Variants in RORA observed in about 807,000 individuals in gnomAD.
RORA encodes RAR related orphan receptor A, also known as nuclear receptor ROR-alpha.
A neutral mutation model predicts 69.5 loss-of-function variants in RORA; 7 were observed. The observed-to-expected ratio is 0.10, with a 90% CI of 0.06 to 0.19. RORA has a LOEUF of 0.19. Ranked by LOEUF, RORA falls within the 10% of genes least tolerant of loss-of-function variation. RORA has a pLI of 1.00. For missense variants in RORA, 457 were observed against 663.0 expected (o/e 0.69, Z 3.41); for synonymous variants, 261 against 240.8 (o/e 1.08, Z -0.78).
intron 8 of RORA, among the ~76,000 whole-genome samples, chr15:60,501,519 A>G (rs1359042487): frequency 1.3e-5 from 2 of 152,220 alleles, no homozygotes; most frequent in African/African-American, 2.4e-5. Flanking sequence ...AAGGTCACAC[A>G]GGTAGAAAGT....
At chr15:60,839,269 G>T (rs1312117754) in intron 1 of RORA, among the ~76,000 whole-genome samples, 3 of 152,008 alleles carry the variant, frequency 2.0e-5, no homozygotes, top group African/African-American at 7.3e-5. Context: ...TACCCTTAAT[G>T]AATATAATGA....
At chr15:60,522,716 C>A (rs1375501608) in intron 3 of RORA, among the ~76,000 whole-genome samples, 1 of 149,008 alleles carries the variant, frequency 6.7e-6, no homozygotes, top group Non-Finnish European at 1.5e-5. Context: ...GTGCAGTGAG[C>A]TATGATTGTA....
At chr15:60,716,155 C>A (rs1429010188) in intron 1 of RORA, among the ~76,000 whole-genome samples, 2 of 152,158 alleles carry the variant, frequency 1.3e-5, no homozygotes, top group African/African-American at 4.8e-5. Context: ...CGAGTGATGC[C>A]ACAACTTCCA....
At chr15:61,206,686 G>A (rs919268795) in intron 1 of RORA, among the ~76,000 whole-genome samples, 1 of 152,112 alleles carries the variant, frequency 6.6e-6, no homozygotes, top group Admixed American at 6.5e-5. Flanking sequence ...GGGAGAAAAG[G>A]ATAAGGATGT....
intron 1 of RORA, among the ~76,000 whole-genome samples, chr15:60,689,464 CT>C (rs2070791656): frequency 6.6e-6 from 1 of 152,060 alleles, no homozygotes; most frequent in African/African-American, 2.4e-5. Context: ...TTAAATTATT[CT>C]TTTTCCATTT....
intron 1 of RORA, among the ~76,000 whole-genome samples, chr15:61,094,619 G>A (rs1440277214): frequency 1.3e-5 from 2 of 152,216 alleles, no homozygotes; most frequent in African/African-American, 4.8e-5. Flanking sequence ...GTTCTGTGGG[G>A]AAGACAAAAT....
intron 1 of RORA, among the ~76,000 whole-genome samples, chr15:60,889,745 A>G (rs2073793938): frequency 6.6e-6 from 1 of 152,224 alleles, no homozygotes; most frequent in African/African-American, 2.4e-5. Flanking sequence ...AGAACAACAC[A>G]GTTTCCACCT....
At chr15:60,658,371 C>T (rs140198545) in intron 2 of RORA, among the ~76,000 whole-genome samples, 3,062 of 152,210 alleles carry the variant, frequency 0.02, 114 homozygotes, top group African/African-American at 0.07. Context: ...CTTCTCTTAT[C>T]CTTGGTGCTT....
chr15:60,505,392 CAG>C lies in RORA; in HGVS notation c.942+114_942+115del, dbSNP rs1304390153. The C allele has an allele frequency of 7.5e-6, 8 of 1,062,746 alleles. No individual in the cohort carries two copies. In the African/African-American group the frequency reaches 1.3e-4, roughly 17 times the overall value. The allele number at this position is 1,062,746 out of a possible 1,614,324, so 65.8% of individuals were successfully genotyped here. ...TAGCTTCAGAAAAAAGATATTTAAA[CAG>C]AAACCTGATGACATTCATTCTTTAG... On this transcript the variant is annotated intron_variant, in intron 6 of 10. Transcript: ENST00000335670.
chr15:61,179,405 T>C (rs911147900), intron 1 of RORA, among the ~76,000 whole-genome samples: 3 of 152,220 alleles, frequency 2.0e-5, no homozygotes, highest in African/African-American at 7.2e-5. Flanking sequence ...TAAAAAAGAA[T>C]GCCACTCTTC....
chr15:61,133,606 A>T (rs956879797), intron 1 of RORA, among the ~76,000 whole-genome samples: 1 of 152,142 alleles, frequency 6.6e-6, no homozygotes, highest in Non-Finnish European at 1.5e-5. Flanking sequence ...ATGGCCAAGG[A>T]GGGCCCAGAC....
At chr15:60,929,906 C>T (rs2140498835) in intron 1 of RORA, among the ~76,000 whole-genome samples, 1 of 152,266 alleles carries the variant, frequency 6.6e-6, no homozygotes, top group Non-Finnish European at 1.5e-5. Flanking sequence ...TTCTTGCCTT[C>T]AGACGCATAT....
At chr15:60,839,047 C>T (rs2073160988) in intron 1 of RORA, among the ~76,000 whole-genome samples, 1 of 152,086 alleles carries the variant, frequency 6.6e-6, no homozygotes, top group South Asian at 2.1e-4. Context: ...CGCCACCACA[C>T]CCACCTGGCT....
chr15:60,722,858 TC>T (rs1218567485), intron 1 of RORA, among the ~76,000 whole-genome samples: 5 of 152,164 alleles, frequency 3.3e-5, no homozygotes, highest in African/African-American at 1.2e-4. Context: ...TCCTTCCCTC[TC>T]CACGTCTCAC....
intron 1 of RORA, among the ~76,000 whole-genome samples, chr15:60,993,368 G>T: frequency 6.6e-6 from 1 of 151,872 alleles, no homozygotes; most frequent in Non-Finnish European, 1.5e-5. Flanking sequence ...GCTGGGCACA[G>T]CGGCTCACTC....
chr15:60,936,649 T>C (rs1892531229), intron 1 of RORA, among the ~76,000 whole-genome samples: 1 of 152,198 alleles, frequency 6.6e-6, no homozygotes, highest in African/African-American at 2.4e-5. Context: ...TCTGCCAGAG[T>C]GACGGGCACT....
intron 1 of RORA, among the ~76,000 whole-genome samples, chr15:60,837,053 G>A (rs78404871): frequency 1.5e-5 from 1 of 65,202 alleles, no homozygotes; most frequent in Non-Finnish European, 3.7e-5. Context: ...TTTTTTTTTT[G>A]TAGATATGGG....
chr15:60,997,745 G>A (rs10519096), intron 1 of RORA, among the ~76,000 whole-genome samples: 18,157 of 152,122 alleles, frequency 0.12, 1,143 homozygotes, highest in South Asian at 0.16. Flanking sequence ...ATTCTAAAAA[G>A]TGATTTTGTC....
intron 1 of RORA, among the ~76,000 whole-genome samples, chr15:61,033,408 G>GAAAA (rs1555403791): frequency 5.5e-5 from 2 of 36,076 alleles, no homozygotes; most frequent in African/African-American, 1.4e-4. Context: ...GCTTTATTCT[G>GAAAA]AAAAAAAAAA....
Sources: gnomAD v4.1 joint callset for allele counts (sites outside exome capture counted in the v4.1 genomes callset) on GRCh38, gnomAD v4.1.1 for gene constraint, MANE v1.5 for transcripts, NCBI Gene and HGNC (gene_info 2026-07-23, HGNC 2026-07-21) for gene names.